ATRNL1: variants seen among roughly 807,000 people sequenced by gnomAD.
The protein encoded by ATRNL1 is attractin like 1.
ATRNL1 carries 95 observed loss-of-function variants against 182.7 expected under a neutral mutation model. The observed-to-expected ratio is 0.52, with a 90% CI of 0.44 to 0.62. The LOEUF (loss-of-function observed/expected upper bound fraction) is 0.62, where lower values mean the gene tolerates loss of function less well. Among genes scored for constraint, ATRNL1 ranks in the 20% least tolerant of loss-of-function variants. The probability of loss-of-function intolerance (pLI) is 0.00; values close to 1 mark genes in which losing one functional copy is unlikely to be tolerated. For missense variants in ATRNL1, 1,471 were observed against 1,679.5 expected (o/e 0.88, Z 2.17); for synonymous variants, 576 against 568.3 (o/e 1.01, Z -0.19).
intron 1 of ATRNL1, among the ~76,000 whole-genome samples, chr10:115,110,356 A>G (rs1247887215): frequency 1.3e-5 from 2 of 152,168 alleles, no homozygotes; most frequent in Non-Finnish European, 2.9e-5. Flanking sequence ...TTGACATGCT[A>G]ATGCTTGTTT....
At chr10:115,374,397 A>G (rs1857552011) in intron 19 of ATRNL1, among the ~76,000 whole-genome samples, 1 of 149,860 alleles carries the variant, frequency 6.7e-6, no homozygotes, top group Non-Finnish European at 1.5e-5. Context: ...CCTTCTGCTC[A>G]CTTTGGACTC....
At chr10:115,148,784 C>G (rs1564775211) in intron 5 of ATRNL1, among the ~76,000 whole-genome samples, 1 of 136,450 alleles carries the variant, frequency 7.3e-6, no homozygotes, top group Non-Finnish European at 1.5e-5. Flanking sequence ...GAATCTGACT[C>G]TGTCGCCCAG....
intron 14 of ATRNL1, among the ~76,000 whole-genome samples, chr10:115,281,730 C>A (rs1053341363): frequency 6.9e-5 from 9 of 130,334 alleles, no homozygotes; most frequent in Non-Finnish European, 1.3e-4. Context: ...GATACCTTTT[C>A]ATCGAAAAAA....
At chr10:115,694,736 A>C (rs1946498896) in intron 26 of ATRNL1, among the ~76,000 whole-genome samples, 1 of 152,126 alleles carries the variant, frequency 6.6e-6, no homozygotes, top group Admixed American at 6.5e-5. Flanking sequence ...ATGAAGCTTC[A>C]TTTGGGAAAG....
At chr10:115,203,203 G>T (rs559821133) in intron 8 of ATRNL1, among the ~76,000 whole-genome samples, 7 of 152,140 alleles carry the variant, frequency 4.6e-5, no homozygotes, top group African/African-American at 1.7e-4. Context: ...TTTTATTATG[G>T]CCATCTACAA....
chr10:115,343,132 A>G (rs1554938869), intron 19 of ATRNL1, among the ~76,000 whole-genome samples: 5 of 152,128 alleles, frequency 3.3e-5, no homozygotes, highest in Admixed American at 2.6e-4. Context: ...TTGGTGTTCT[A>G]TAACCTTCTT....
intron 21 of ATRNL1, among the ~76,000 whole-genome samples, chr10:115,438,048 C>G (rs1846487456): frequency 6.6e-6 from 1 of 151,966 alleles, no homozygotes; most frequent in South Asian, 2.1e-4. Context: ...GCAATATTAA[C>G]TGAATCATTA....
rs148776870 is a variant in ATRNL1, at chr10:115,310,118, C to T, written c.2819-5400C>T. On this transcript the variant is annotated intron_variant, in intron 17 of 28. Transcript: ENST00000355044. Reference sequence around the variant, plus strand: ...GTAATTATTTGAGATTATCATATCACTTTTGTTTTTAATTCATTTTATATG... The same window carrying T: ...GTAATTATTTGAGATTATCATATCATTTTTGTTTTTAATTCATTTTATATG... Among the ~76,000 whole-genome samples, 445 of 152,094 alleles carry T rather than the reference C, an allele frequency of 2.9e-3. 5 individuals are homozygous for T. In the East Asian group the frequency reaches 0.035, roughly 12 times the overall value.
chr10:115,342,725 A>AT (rs1180695584), intron 19 of ATRNL1, among the ~76,000 whole-genome samples: 63 of 146,272 alleles, frequency 4.3e-4, no homozygotes, highest in Admixed American at 5.5e-4. Flanking sequence ...GATTAATGTC[A>AT]TTTTTTTTTT....
intron 18 of ATRNL1, among the ~76,000 whole-genome samples, chr10:115,329,766 C>A (rs1554934473): frequency 1.3e-5 from 2 of 152,108 alleles, no homozygotes; most frequent in Non-Finnish European, 2.9e-5. Flanking sequence ...TATGCACATT[C>A]TTAAAGGTGA....
intron 26 of ATRNL1, among the ~76,000 whole-genome samples, chr10:115,659,586 T>C (rs1555037136): frequency 6.6e-6 from 1 of 152,148 alleles, no homozygotes; most frequent in African/African-American, 2.4e-5. Context: ...ATTTAATGTA[T>C]TGTAATACAG....
At position 115,315,531 on chromosome 10, in the gene ATRNL1, T is replaced by A. The variant is rs144745106; in HGVS notation, c.2832T>A (p.Ser944=). The A allele has an allele frequency of 6.2e-7, 1 of 1,610,332 alleles. No individual in the cohort carries two copies. The highest frequency in any genetic ancestry group is 1.7e-5 in the Admixed American group (1 of 59,820). ...QTATCSPQNC[S]GLRTCGQCLE... ...CCTGTCACGCAGCTCAAAATTGTTCTGGATTGAGAACCTGTGGACAGTGTT... is the reference window on the plus strand; with the variant it reads ...CCTGTCACGCAGCTCAAAATTGTTCAGGATTGAGAACCTGTGGACAGTGTT... Residue 944 remains serine (S), a synonymous_variant, in exon 18 of 29, where the codon TCT becomes TCA. Coordinates refer to ENST00000355044, the MANE Select transcript of ATRNL1 (RefSeq NM_207303.4).
rs533634448 is a variant in ATRNL1, at chr10:115,910,054, G to A, written c.4019-34604G>A. ...AACTCTCACCTCTGGACAGGGCTTG[G>A]CACTCCGGAAGAGTTCCACTTTTTA... is the stretch of plus-strand genomic sequence containing the variant. On this transcript the variant is annotated intron_variant, in intron 28 of 28. Coordinates refer to ENST00000355044, the MANE Select transcript of ATRNL1 (RefSeq NM_207303.4). 3.3e-5 allele frequency among the ~76,000 whole-genome samples: 5 copies of A among 152,232 alleles called. No individual in the cohort carries two copies. The South Asian group carries it at 6.2e-4, about 19-fold the overall frequency.
rs935687325 is a variant in ATRNL1, at chr10:115,215,805, G to A, written c.1457G>A (p.Gly486Glu). 6.2e-7 allele frequency: 1 copy of A among 1,605,830 alleles called. No individual in the cohort carries two copies. Among genetic ancestry groups the A allele is most frequent in the South Asian group, 1.1e-5 (1 of 89,202 alleles). The change falls in exon 9 of 29, where the codon GGG becomes GAG. Residue 486 changes from glycine (G) to glutamate (E), a missense_variant. Physicochemically the swap from Gly to Glu is moderately conservative, Grantham distance 98 (BLOSUM62 -2). Transcript: ENST00000355044. ...ACAAAGTCCATTTATGTTCATGGAG[G>A]GTATAAAGCATTGCCAGGGAACAAA... ...EITKSIYVHG[G>E]YKALPGNKYG...
At chr10:115,916,635 C>T (rs1952861915) in intron 28 of ATRNL1, among the ~76,000 whole-genome samples, 1 of 152,192 alleles carries the variant, frequency 6.6e-6, no homozygotes, top group East Asian at 1.9e-4. Flanking sequence ...TGTAATCCCA[C>T]GTGCATTAGA....
chr10:115,388,286 A>G (rs1843775933), intron 19 of ATRNL1, among the ~76,000 whole-genome samples: 1 of 151,880 alleles, frequency 6.6e-6, no homozygotes, highest in Non-Finnish European at 1.5e-5. Context: ...GTCTTCTGTG[A>G]TTTTGCTTTG....
chr10:115,130,329 A>G (rs1159658440), intron 5 of ATRNL1, among the ~76,000 whole-genome samples: 1 of 152,140 alleles, frequency 6.6e-6, no homozygotes, highest in East Asian at 1.9e-4. Context: ...ATGTATTATT[A>G]TAACACAGTG....
intron 27 of ATRNL1, among the ~76,000 whole-genome samples, chr10:115,770,897 G>A (rs567272074): frequency 9.9e-5 from 15 of 152,116 alleles, no homozygotes; most frequent in African/African-American, 2.6e-4. Flanking sequence ...TATCCAAAAC[G>A]TTTTTAAGTC....
At chr10:115,898,333 A>G (rs1408631674) in intron 28 of ATRNL1, among the ~76,000 whole-genome samples, 2 of 152,204 alleles carry the variant, frequency 1.3e-5, no homozygotes, top group Non-Finnish European at 2.9e-5. Flanking sequence ...TAATTAATCA[A>G]ATACCAAATT....
Sources: allele counts gnomAD v4.1 joint callset (sites outside exome capture counted in the v4.1 genomes callset), GRCh38; gene constraint gnomAD v4.1.1; transcripts MANE v1.5; gene names NCBI Gene and HGNC (gene_info 2026-07-23, HGNC 2026-07-21).